Variants in ADCY8 observed in about 807,000 individuals in gnomAD.
ADCY8 encodes adenylate cyclase type 8.
ADCY8 carries 51 observed loss-of-function variants against 119.7 expected under a neutral mutation model. The observed-to-expected ratio is 0.43, with a 90% confidence interval of 0.34 to 0.54. ADCY8 has a LOEUF of 0.54. Among genes scored for constraint, ADCY8 ranks in the 20% least tolerant of loss-of-function variants. The probability of loss-of-function intolerance (pLI) is 0.03; values close to 1 mark genes in which losing one functional copy is unlikely to be tolerated. For synonymous variants in ADCY8, 665 were observed against 651.0 expected (o/e 1.02, Z -0.33); for missense variants, 1,383 against 1,598.8 (o/e 0.87, Z 2.30).
At chr8:130,855,055 TC>T (rs1331768211) in intron 9 of ADCY8, among the ~76,000 whole-genome samples, 2 of 151,578 alleles carry the variant, frequency 1.3e-5, no homozygotes, top group African/African-American at 2.4e-5. Flanking sequence ...GAGAGGAACA[TC>T]TGTGGGCATG....
At chr8:130,826,657 A>G (rs1360907020) in intron 12 of ADCY8, among the ~76,000 whole-genome samples, 2 of 152,028 alleles carry the variant, frequency 1.3e-5, no homozygotes, top group Non-Finnish European at 2.9e-5. Context: ...TATTTTGGTA[A>G]CCATGGCTTA....
In ADCY8 at chr8:130,782,195, A is replaced by T. The variant is rs533347029; in HGVS notation, c.3269-1318T>A. Among the ~76,000 whole-genome samples the T allele has an allele frequency of 2.6e-5, 4 of 152,290 alleles. No homozygotes were observed. In the East Asian group the frequency reaches 5.8e-4, roughly 22 times the overall value. On this transcript the variant is annotated intron_variant, in intron 17 of 17. Transcript: ENST00000286355. ...TTCTAGGCCGAGGCAAAAGCAAGAC[A>T]CGTATACCCACTGATATAAGTGACT...
At chr8:130,904,165 G>A in intron 6 of ADCY8, 123 bp from the exon 7 acceptor site, 1 of 954,318 alleles carries the variant, frequency 1.0e-6, no homozygotes, top group South Asian at 1.7e-5. Flanking sequence ...ATGTCCTCAG[G>A]GACAATACTT....
chr8:130,978,367 C>T (rs894741989), intron 2 of ADCY8, among the ~76,000 whole-genome samples: 3 of 152,058 alleles, frequency 2.0e-5, no homozygotes, highest in Admixed American at 1.3e-4. Context: ...TAGAGTTCAA[C>T]AAGAACATTC....
chr8:130,978,750 C>A (rs764252051), intron 2 of ADCY8, among the ~76,000 whole-genome samples: 10 of 152,192 alleles, frequency 6.6e-5, no homozygotes, highest in Non-Finnish European at 1.5e-4. Context: ...TTAATTCCGG[C>A]ACCTAACTCA....
intron 14 of ADCY8, among the ~76,000 whole-genome samples, chr8:130,806,436 C>T (rs1196921159): frequency 2.0e-5 from 3 of 152,174 alleles, no homozygotes; most frequent in Non-Finnish European, 4.4e-5. Context: ...AAAGAGGGCA[C>T]ACATTCAGAT....
At chr8:131,029,482 C>A (rs1431184864) in intron 1 of ADCY8, among the ~76,000 whole-genome samples, 1 of 152,064 alleles carries the variant, frequency 6.6e-6, no homozygotes, top group African/African-American at 2.4e-5. Flanking sequence ...AGATTCAGAG[C>A]CAGGATGCTG....
Position 130,872,999 on chromosome 8 carries a change from C to T in ADCY8, c.2110-5053G>A, listed in dbSNP as rs16904384. On this transcript the variant is annotated intron_variant, in intron 8 of 17. Coordinates refer to ENST00000286355, the MANE Select transcript of ADCY8 (RefSeq NM_001115.3). ...GAGGGTCAATGGGTTTTTAGATCCA[C>T]CACAAAGAAGCTGAGAAACCCCAGT... Among the ~76,000 whole-genome samples, 1,362 of 152,274 alleles carry T rather than the reference C, an allele frequency of 8.9e-3. 18 individuals are homozygous for T. Among genetic ancestry groups the T allele is most frequent in the African/African-American group, 0.031 (1,307 of 41,566 alleles).
intron 16 of ADCY8, 142 bp downstream of exon 16, chr8:130,785,241 C>T (rs1014547273): frequency 1.6e-5 from 8 of 496,688 alleles, no homozygotes; most frequent in East Asian, 3.4e-5. Flanking sequence ...ATCCACATCA[C>T]GTAACTATTA....
At chr8:130,934,574 T>C (rs1237618136) in intron 5 of ADCY8, among the ~76,000 whole-genome samples, 1 of 152,070 alleles carries the variant, frequency 6.6e-6, no homozygotes, top group Non-Finnish European at 1.5e-5. Flanking sequence ...AGTCCCATTG[T>C]CCCCCTTTAC....
chr8:130,998,586 G>A (rs561914757), intron 1 of ADCY8, among the ~76,000 whole-genome samples: 1 of 152,258 alleles, frequency 6.6e-6, no homozygotes, highest in East Asian at 1.9e-4. Context: ...TTGGAAACAT[G>A]ACCTACCATC....
At chr8:130,966,589 GGGGA>G (rs1821769831) in intron 2 of ADCY8, among the ~76,000 whole-genome samples, 3 of 152,148 alleles carry the variant, frequency 2.0e-5, no homozygotes, top group African/African-American at 4.8e-5. Flanking sequence ...CCCTAAAAGG[GGGGA>G]AGCAAAGCAA....
At chr8:130,860,329 A>G (rs1817885221) in intron 9 of ADCY8, among the ~76,000 whole-genome samples, 1 of 152,152 alleles carries the variant, frequency 6.6e-6, no homozygotes, top group Admixed American at 6.5e-5. Flanking sequence ...TGTTTTACAA[A>G]TATTTTCTTC....
In ADCY8 at chr8:130,800,436, T is replaced by C. The variant is rs539555378; in HGVS notation, c.3050A>G (p.Asp1017Gly). The change falls in exon 15 of 18, where the codon GAC becomes GGC. Residue 1017 changes from aspartate (D) to glycine (G), a missense_variant. Coordinates refer to ENST00000286355, the MANE Select transcript of ADCY8 (RefSeq NM_001115.3). ...CAGGCTTAGATTTACCTCATCGAAG[T>C]CAGCAATGATCTCATTGAGCAAGCG... is the stretch of plus-strand genomic sequence containing the variant. ...CLRLLNEIIA[D>G]FDELLGEDRF... 1 of 1,614,176 alleles carries C rather than the reference T, an allele frequency of 6.2e-7. No homozygotes were observed. The highest frequency in any genetic ancestry group is 1.1e-5 in the South Asian group (1 of 91,082).
intron 9 of ADCY8, among the ~76,000 whole-genome samples, chr8:130,863,878 T>G (rs536364580): frequency 6.6e-6 from 1 of 152,310 alleles, no homozygotes; most frequent in East Asian, 1.9e-4. Context: ...CAATTAAGAT[T>G]AAGATAAAAA....
intron 17 of ADCY8, among the ~76,000 whole-genome samples, chr8:130,782,089 C>T (rs5000695): frequency 0.61 from 92,520 of 151,306 alleles, 29,108 homozygotes; most frequent in African/African-American, 0.73. Flanking sequence ...GAGAGTATAT[C>T]TCGGAGTAAG....
At chr8:130,982,152 A>T (rs1174961785) in intron 2 of ADCY8, among the ~76,000 whole-genome samples, 2 of 152,232 alleles carry the variant, frequency 1.3e-5, no homozygotes, top group Non-Finnish European at 2.9e-5. Context: ...TGTCCTACCC[A>T]CATCGGGTAA....
chr8:130,844,976 C>T (rs1817253956), intron 11 of ADCY8, among the ~76,000 whole-genome samples: 1 of 152,130 alleles, frequency 6.6e-6, no homozygotes, highest in African/African-American at 2.4e-5. Context: ...TGCTCAAAGC[C>T]CTTTTGTTGA....
At chr8:130,814,463 CTTGTTTGTGTG>C (rs1563675834) in intron 13 of ADCY8, among the ~76,000 whole-genome samples, 3 of 152,182 alleles carry the variant, frequency 2.0e-5, no homozygotes, top group African/African-American at 7.2e-5. Context: ...TGATTTCATA[CTTGTTTGTGTG>C]ATTACCTGAT....
Sources: allele counts gnomAD v4.1 joint callset (sites outside exome capture counted in the v4.1 genomes callset), GRCh38; gene constraint gnomAD v4.1.1; transcripts MANE v1.5; gene names NCBI Gene and HGNC (gene_info 2026-07-23, HGNC 2026-07-21).